Variants in USP39 observed in about 807,000 individuals in gnomAD.
USP39 encodes the protein ubiquitin carboxyl-terminal hydrolase 39.
In USP39, 38 loss-of-function variants were observed where a neutral mutation model predicts 66.4. That is an observed-to-expected ratio of 0.57 (90% CI 0.44 to 0.75). The LOEUF (loss-of-function observed/expected upper bound fraction) is 0.75, where lower values mean the gene tolerates loss of function less well. USP39 is among the 30% of genes least tolerant of loss of function. The pLI, the probability that USP39 is intolerant of heterozygous loss-of-function variation, is 0.00. For synonymous variants in USP39, 303 were observed against 274.6 expected (o/e 1.10, Z -1.02); for missense variants, 608 against 714.4 (o/e 0.85, Z 1.70).
intron 5 of USP39, among the ~76,000 whole-genome samples, chr2:85,629,590 G>A (rs546272603): frequency 2.7e-5 from 4 of 150,120 alleles, no homozygotes; most frequent in East Asian, 4.0e-4. Context: ...TCCGCCTCCC[G>A]GGTTCAAGTG....
chr2:85,613,745 A>G (rs181469928), upstream of USP39, among the ~76,000 whole-genome samples: 1 of 152,158 alleles, frequency 6.6e-6, no homozygotes, highest in Admixed American at 6.6e-5. Flanking sequence ...GGAAGAGGAT[A>G]TCTTTGGGGC....
At chr2:85,631,268 C>T (rs1675311219) in intron 6 of USP39, among the ~76,000 whole-genome samples, 1 of 151,896 alleles carries the variant, frequency 6.6e-6, no homozygotes, top group Non-Finnish European at 1.5e-5. Flanking sequence ...CCTACTCGGC[C>T]TCCCAAAGTG....
At chr2:85,616,551 GCC>G in intron 1 of USP39, 88 bp downstream of exon 1, 1 of 971,810 alleles carries the variant, frequency 1.0e-6, no homozygotes, top group Non-Finnish European at 1.3e-6. Context: ...AGGTCACTGC[GCC>G]GGAGTTGGGG....
At chr2:85,624,873 GAGTTGC>G (rs1007442755) in intron 4 of USP39, among the ~76,000 whole-genome samples, 14 of 151,784 alleles carry the variant, frequency 9.2e-5, no homozygotes, top group African/African-American at 2.7e-4. Flanking sequence ...TGAGGCAGGA[GAGTTGC>G]TTGAATCTGG....
At chr2:85,603,368 G>T (rs1463041081) in intron 1 of USP39, among the ~76,000 whole-genome samples, 1 of 152,232 alleles carries the variant, frequency 6.6e-6, no homozygotes, top group African/African-American at 2.4e-5. Flanking sequence ...AGACGGCAGA[G>T]ACCAGAGGAC....
At chr2:85,627,858 C>G (rs888258611) in intron 5 of USP39, among the ~76,000 whole-genome samples, 1 of 152,116 alleles carries the variant, frequency 6.6e-6, no homozygotes, top group Non-Finnish European at 1.5e-5. Context: ...TTGGGCCTTA[C>G]AGACTCCTTT....
At position 85,648,769 on chromosome 2, in the gene USP39, G is replaced by A. The variant is rs1676835790; in HGVS notation, c.1659G>A (p.Lys553=). The change falls in exon 13 of 13, where the codon AAG becomes AAA. Residue 553 remains lysine (K), a synonymous_variant. Transcript: ENST00000323701. ...TLSEAYIQIW[K]RRDNDETNQQ... ...GTTTTCATTTCTTACAGATTTGGAA[G>A]AGGCGAGATAATGATGAAACCAACC... The A allele has an allele frequency of 3.1e-6, 5 of 1,614,132 alleles. No individual in the cohort carries two copies. Among genetic ancestry groups the A allele is most frequent in the Non-Finnish European group, 4.2e-6 (5 of 1,179,980 alleles).
At chr2:85,611,722 C>T, upstream of USP39, 3 of 1,602,736 alleles carry the variant, frequency 1.9e-6, no homozygotes, top group Admixed American at 3.4e-5. Context: ...CGCGTCGGCG[C>T]GGGCGTGTGC....
At chr2:85,608,633 G>A (rs766154770), upstream of USP39, 65 of 221,542 alleles carry the variant, frequency 2.9e-4, no homozygotes, top group Non-Finnish European at 4.8e-4. Context: ...CATGTTGCAC[G>A]AGGCTTCATA....
At position 85,633,778 on chromosome 2, in the gene USP39, A is replaced by G. The variant is rs372459369; in HGVS notation, c.950-2275A>G. ...TGAGACCTCTGTCTGTAAAATAAAA[A>G]GAAAAACATTATTCTGGCTGAGGAT... is the stretch of plus-strand genomic sequence containing the variant. On this transcript the variant is annotated intron_variant, in intron 6 of 12. Coordinates refer to ENST00000323701, the MANE Select transcript of USP39 (RefSeq NM_006590.4). Among the ~76,000 whole-genome samples, 16 of 151,634 alleles carry G rather than the reference A, an allele frequency of 1.1e-4. 2 individuals carry two copies. The highest frequency in any genetic ancestry group is 9.9e-4 in the Admixed American group (15 of 15,216).
At chr2:85,606,309 C>T (rs1333691780) in intron 1 of USP39, among the ~76,000 whole-genome samples, 5 of 152,220 alleles carry the variant, frequency 3.3e-5, no homozygotes, top group Non-Finnish European at 4.4e-5. Flanking sequence ...TTCTTTGGGA[C>T]ATCTCTGGGA....
intron 4 of USP39, among the ~76,000 whole-genome samples, chr2:85,625,066 A>G (rs1266890378): frequency 6.6e-6 from 1 of 152,202 alleles, no homozygotes; most frequent in Non-Finnish European, 1.5e-5. Context: ...AGTCTGTGAC[A>G]TAATGACTGT....
At chr2:85,637,505 A>G in intron 8 of USP39, 69 bp downstream of exon 8, 1 of 1,534,900 alleles carries the variant, frequency 6.5e-7, no homozygotes, top group Non-Finnish European at 9.0e-7. Context: ...AGATGAAGAG[A>G]TGCTCAGAGA....
chr2:85,618,344 G>T (rs368672809), intron 1 of USP39, among the ~76,000 whole-genome samples: 16 of 151,654 alleles, frequency 1.1e-4, no homozygotes, highest in Non-Finnish European at 2.2e-4. Flanking sequence ...AGGGTGGATC[G>T]CAAGGTCAGG....
chr2:85,645,268 C>G, intron 11 of USP39, 185 bp downstream of exon 11: 1 of 650,438 alleles, frequency 1.5e-6, no homozygotes, highest in Non-Finnish European at 2.5e-6. Context: ...ATTGGACTCA[C>G]CTTGGGAGCT....
At chr2:85,643,480 C>T (rs905824746) in intron 10 of USP39, among the ~76,000 whole-genome samples, 4 of 150,758 alleles carry the variant, frequency 2.7e-5, no homozygotes, top group African/African-American at 4.9e-5. Context: ...GGCGACAGAG[C>T]GAGACTCTGT....
intron 9 of USP39, among the ~76,000 whole-genome samples, chr2:85,640,762 C>T (rs374608067): frequency 6.7e-6 from 1 of 148,948 alleles, no homozygotes; most frequent in Admixed American, 6.7e-5. Flanking sequence ...TGTGAGCCAC[C>T]AGGCCCGGCC....
intron 1 of USP39, 53 bp from the exon 2 acceptor site, chr2:85,619,167 G>A (rs902367852): frequency 1.3e-6 from 2 of 1,577,434 alleles, no homozygotes; most frequent in East Asian, 4.5e-5. Context: ...TCTGTTAGTT[G>A]GCCCTGAGTA....
intron 9 of USP39, 124 bp downstream of exon 9, chr2:85,639,515 C>A: frequency 2.0e-6 from 2 of 1,023,060 alleles, no homozygotes; most frequent in Non-Finnish European, 2.7e-6. Flanking sequence ...AGTGCAGTGG[C>A]GTGATTTCGG....
Sources: gnomAD v4.1 joint callset for allele counts (sites outside exome capture counted in the v4.1 genomes callset) on GRCh38, gnomAD v4.1.1 for gene constraint, MANE v1.5 for transcripts, NCBI Gene and HGNC (gene_info 2026-07-23, HGNC 2026-07-21) for gene names.